Variants in HMGXB4 observed in about 807,000 individuals in gnomAD.
The protein encoded by HMGXB4 is HMG-box containing 4.
In HMGXB4, 27 loss-of-function variants were observed where a neutral mutation model predicts 63.9. The observed-to-expected ratio is 0.42, with a 90% confidence interval of 0.31 to 0.58. The LOEUF (loss-of-function observed/expected upper bound fraction) is 0.58, where lower values mean the gene tolerates loss of function less well. Among genes scored for constraint, HMGXB4 ranks in the 20% least tolerant of loss-of-function variants. HMGXB4 has a pLI of 0.13. For synonymous variants in HMGXB4, 264 were observed against 265.3 expected (o/e 0.99, Z 0.05); for missense variants, 624 against 700.7 (o/e 0.89, Z 1.24).
At chr22:35,250,882 A>G in the HMGXB4 span, among the ~76,000 whole-genome samples, 1 of 152,142 alleles carries the variant, frequency 6.6e-6, no homozygotes, top group Non-Finnish European at 1.5e-5. Flanking sequence ...CTTGAGAGCT[A>G]CAAAGGGCCT....
chr22:35,261,559 A>G (rs1601623632), intron 1 of HMGXB4, among the ~76,000 whole-genome samples: 1 of 152,218 alleles, frequency 6.6e-6, no homozygotes, highest in Admixed American at 6.5e-5. Flanking sequence ...AAAAAATACA[A>G]TATCTAGAAC....
chr22:35,263,738 G>C lies in HMGXB4; in HGVS notation c.181-58G>C. 6 of 1,194,326 alleles carry C rather than the reference G, an allele frequency of 5.0e-6. No individual in the cohort carries two copies. The South Asian group carries it at 6.1e-5, about 12-fold the overall frequency. The allele number at this position is 1,194,326 out of a possible 1,614,324, so 74.0% of individuals were successfully genotyped here. On this transcript the variant is annotated intron_variant, in intron 3 of 10. Coordinates refer to ENST00000216106, the MANE Select transcript of HMGXB4 (RefSeq NM_001003681.3). ...TCAAAAATCATCAAAGACAAGAGTG[G>C]TTACAAACTGCATTTGCCTCATCAT...
At chr22:35,246,330 A>C in the HMGXB4 span, among the ~76,000 whole-genome samples, 699 of 151,988 alleles carry the variant, frequency 4.6e-3, 3 homozygotes, top group Middle Eastern at 0.024. Context: ...GATAGAGTGC[A>C]GTGGCACGAT....
In HMGXB4 at chr22:35,265,396, G is replaced by A. The variant is rs201132869; in HGVS notation, c.1008G>A (p.Glu336=). ...AGAAAGACAAGGAGAAGCATAAAGA[G>A]AAGCGACACTCCAAGTCCAAGAGAA... ...KKKKDKEKHK[E]KRHSKSKRSL... The change falls in exon 5 of 11, where the codon GAG becomes GAA. Residue 336 remains glutamate (E), a synonymous_variant. Transcript: ENST00000216106. 6.2e-7 allele frequency: 1 copy of A among 1,613,672 alleles called. No individual in the cohort carries two copies. The highest frequency in any genetic ancestry group is 2.2e-5 in the East Asian group (1 of 44,878).
chr22:35,248,185 T>C, the HMGXB4 span, among the ~76,000 whole-genome samples: 1 of 152,306 alleles, frequency 6.6e-6, no homozygotes, highest in African/African-American at 2.4e-5. Context: ...TACACCCGTA[T>C]AGGGCACTGT....
chr22:35,263,118 T>TG lies in HMGXB4; in HGVS notation c.73dup (p.Ala25GlyfsTer38). 1 of 1,614,076 alleles carries TG rather than the reference T, an allele frequency of 6.2e-7. No homozygotes were observed. The highest frequency in any genetic ancestry group is 8.5e-7 in the Non-Finnish European group (1 of 1,179,976). ...ATCATACCTTTGAGGACATAGGACT[T>TG]GCAGCTGGCCGAAGCCAACGAGAGA... On this transcript the variant is annotated frameshift_variant, in exon 3 of 11. Transcript: ENST00000216106. LOFTEE classifies it high-confidence loss of function.
intron 5 of HMGXB4, among the ~76,000 whole-genome samples, chr22:35,278,492 C>T (rs546096769): frequency 7.2e-5 from 11 of 152,254 alleles, no homozygotes; most frequent in African/African-American, 2.6e-4. Context: ...CTTGGCCTGT[C>T]TCATTTGCCA....
intron 9 of HMGXB4, among the ~76,000 whole-genome samples, chr22:35,291,770 A>G (rs1178315075): frequency 2.6e-5 from 4 of 152,188 alleles, no homozygotes; most frequent in East Asian, 1.9e-4. Flanking sequence ...CAGAAGAATA[A>G]ACAGACTTAA....
chr22:35,243,058 T>G, the HMGXB4 span, among the ~76,000 whole-genome samples: 1 of 152,222 alleles, frequency 6.6e-6, no homozygotes. Context: ...TCTTGGCATA[T>G]ATTCTGTTGG....
chr22:35,279,273 C>G (rs1336490387), intron 5 of HMGXB4, among the ~76,000 whole-genome samples: 1 of 150,430 alleles, frequency 6.6e-6, no homozygotes, highest in Non-Finnish European at 1.5e-5. Flanking sequence ...CTCAGCCTCC[C>G]GAGTAGCTGC....
At chr22:35,290,150 T>C (rs1924836609) in intron 9 of HMGXB4, among the ~76,000 whole-genome samples, 1 of 152,240 alleles carries the variant, frequency 6.6e-6, no homozygotes, top group Non-Finnish European at 1.5e-5. Context: ...TTTTCAGATT[T>C]AATCATTCTT....
the HMGXB4 span, among the ~76,000 whole-genome samples, chr22:35,251,401 A>G: frequency 6.6e-6 from 1 of 152,126 alleles, no homozygotes; most frequent in African/African-American, 2.4e-5. Flanking sequence ...TTCCAAAACA[A>G]TTCTCATCTG....
At chr22:35,249,026 A>C in the HMGXB4 span, among the ~76,000 whole-genome samples, 1 of 152,092 alleles carries the variant, frequency 6.6e-6, no homozygotes, top group Non-Finnish European at 1.5e-5. Context: ...TAAACACTAT[A>C]CACTTAGGCT....
chr22:35,274,046 G>A (rs1923758398), intron 5 of HMGXB4, among the ~76,000 whole-genome samples: 1 of 152,192 alleles, frequency 6.6e-6, no homozygotes, highest in African/African-American at 2.4e-5. Flanking sequence ...AGGCAGTAAG[G>A]ACACAAAGAT....
chr22:35,293,548 A>T (rs1246762881), intron 10 of HMGXB4, 59 bp from the exon 11 acceptor site: 9 of 1,121,920 alleles, frequency 8.0e-6, no homozygotes, highest in Non-Finnish European at 1.2e-5. Context: ...ACAAAGAAAC[A>T]TCTCTCAGGA....
chr22:35,274,347 T>TA (rs1003121600), intron 5 of HMGXB4, among the ~76,000 whole-genome samples: 29 of 152,294 alleles, frequency 1.9e-4, no homozygotes, highest in African/African-American at 6.7e-4. Context: ...AGGAAGTTGA[T>TA]ATGACTGAAG....
At chr22:35,287,280 A>C in intron 7 of HMGXB4, 67 bp from the exon 8 acceptor site, 1 of 1,262,332 alleles carries the variant, frequency 7.9e-7, no homozygotes, top group Non-Finnish European at 1.1e-6. Flanking sequence ...TTGTTCTTTC[A>C]TGACTGCTTT....
intron 5 of HMGXB4, among the ~76,000 whole-genome samples, chr22:35,283,516 A>G (rs1924386078): frequency 1.3e-5 from 2 of 152,196 alleles, no homozygotes; most frequent in African/African-American, 2.4e-5. Flanking sequence ...CTGGCCAGGC[A>G]TGGTGGCTCA....
chr22:35,252,599 C>G (rs1338768610), upstream of HMGXB4, among the ~76,000 whole-genome samples: 1 of 152,218 alleles, frequency 6.6e-6, no homozygotes. Flanking sequence ...ATCTATTTAT[C>G]TGTCAGTATC....
Sources: allele counts gnomAD v4.1 joint callset (sites outside exome capture counted in the v4.1 genomes callset), GRCh38; gene constraint gnomAD v4.1.1; transcripts MANE v1.5; gene names NCBI Gene and HGNC (gene_info 2026-07-23, HGNC 2026-07-21).